SOSTDC1: variants seen among roughly 807,000 people sequenced by gnomAD.
SOSTDC1 encodes sclerostin domain containing 1, also known as sclerostin domain-containing protein 1.
SOSTDC1 carries 7 observed loss-of-function variants against 15.1 expected under a neutral mutation model. The observed-to-expected ratio is 0.46, with a 90% CI of 0.26 to 0.87. SOSTDC1 has a LOEUF of 0.87. SOSTDC1 is among the 40% of genes least tolerant of loss of function. The pLI is 0.15. For synonymous variants in SOSTDC1, 94 were observed against 93.2 expected, an observed-to-expected ratio of 1.01 and a Z score of -0.05; for missense variants, 242 against 259.2, an observed-to-expected ratio of 0.93 and a Z score of 0.46.
intron 1 of SOSTDC1, 139 bp from the exon 2 acceptor site, chr7:16,463,102 C>T (rs764031111): frequency 9.7e-6 from 8 of 825,658 alleles, no homozygotes; most frequent in Non-Finnish European, 1.4e-5. Flanking sequence ...TTTATTTTCA[C>T]AGTGAAAAAA....
At chr7:16,465,416 T>C (rs554277133) in intron 1 of SOSTDC1, 48 bp downstream of exon 1, 1 of 1,473,880 alleles carries the variant, frequency 6.8e-7, no homozygotes, top group Non-Finnish European at 9.4e-7. Flanking sequence ...TGTGAGCTAA[T>C]GCTACCAGAA....
chr7:16,464,652 TTCTCTCTC>T (rs72323066), intron 1 of SOSTDC1, among the ~76,000 whole-genome samples: 1 of 150,222 alleles, frequency 6.7e-6, no homozygotes, highest in Non-Finnish European at 1.5e-5. Flanking sequence ...TGCGCAGTGT[TTCTCTCTC>T]TCTCTCTCTC....
chr7:16,463,855 C>T (rs1325092689), intron 1 of SOSTDC1, among the ~76,000 whole-genome samples: 1 of 152,136 alleles, frequency 6.6e-6, no homozygotes, highest in Non-Finnish European at 1.5e-5. Context: ...CTCTAATTGG[C>T]TGTTTCTTGT....
chr7:16,462,789 C>T lies in SOSTDC1; in HGVS notation c.380G>A (p.Ser127Asn), dbSNP rs1781233602. The change falls in exon 2 of 2, where the codon AGC (serine) becomes AAC (asparagine). Residue 127 changes from serine to asparagine, a missense_variant. Transcript: ENST00000307068. ...ATTGACACACCGCCACTCCTGGGAG[C>T]TCCTCCTGCTCCAGTACTTTGTTCC... Reference protein sequence around the residue: ...GYGTKYWSRRSSQEWRCVNDK... With the variant: ...GYGTKYWSRRNSQEWRCVNDK... 6.2e-7 allele frequency: 1 copy of T among 1,614,212 alleles called. No homozygotes were observed. The highest frequency in any genetic ancestry group is 2.2e-5 in the East Asian group (1 of 44,880).
At chr7:16,464,751 C>A (rs556070147) in intron 1 of SOSTDC1, among the ~76,000 whole-genome samples, 1 of 152,094 alleles carries the variant, frequency 6.6e-6, no homozygotes, top group East Asian at 1.9e-4. Flanking sequence ...TTTGAATCCC[C>A]CTAACCAGTG....
chr7:16,464,426 T>TCATAAA, intron 1 of SOSTDC1: 11 of 1,418,830 alleles, frequency 7.8e-6, no homozygotes, highest in Non-Finnish European at 9.7e-6. Flanking sequence ...CAGTGACAGT[T>TCATAAA]CATTGACAAC....
chr7:16,464,409 A>G (rs2128327424), intron 1 of SOSTDC1: 1 of 1,522,650 alleles, frequency 6.6e-7, no homozygotes, highest in Non-Finnish European at 8.9e-7. Context: ...CAGATTTGGC[A>G]TTTTTGCAGT....
Position 16,465,490 on chromosome 7 carries a change from A to C in SOSTDC1, c.179T>G (p.Phe60Cys), listed in dbSNP as rs753919706. Residue 60 changes from phenylalanine to cysteine, a missense_variant, in exon 1 of 2, where the codon TTC becomes TGC. By Grantham distance (205) the Phe-to-Cys change is radical. Transcript: ENST00000307068. ...LNQARNGGRHFSNTGLDRNTR... is the reference protein window; with the variant it reads ...LNQARNGGRHCSNTGLDRNTR... The stretch of plus-strand genomic sequence containing the variant: ...GTTCCGATCCAGTCCAGTGTTACTG[A>C]AATGCCTGCCTCCATTTCTGGCTTG... 1.9e-6 allele frequency: 3 copies of C among 1,614,076 alleles called. No individual in the cohort carries two copies. The Admixed American group carries it at 5.0e-5, about 27-fold the overall frequency.
Position 16,461,582 on chromosome 7 carries a change from T to C in SOSTDC1, c.*966A>G, listed in dbSNP as rs1781211545. On this transcript the variant is annotated 3_prime_UTR_variant, in exon 2 of 2. Coordinates refer to ENST00000307068, the MANE Select transcript of SOSTDC1 (RefSeq NM_015464.3). ...GTTTATTTTTGTTAAAAGAAACCAA[T>C]TGAATTGAAGGTCAAGACACCTTCT... The C allele has an allele frequency of 1.3e-5, 2 of 152,224 alleles. No individual in the cohort carries two copies. Among genetic ancestry groups the C allele is most frequent in the Admixed American group, 1.3e-4 (2 of 15,274 alleles). 9.4% of individuals were successfully genotyped at this position (152,224 alleles called of 1,614,324 possible).
In SOSTDC1 at chr7:16,465,538, G is replaced by C. The variant is rs749168944; in HGVS notation, c.131C>G (p.Pro44Arg). The C allele has an allele frequency of 2.5e-6, 4 of 1,614,158 alleles. No homozygotes were observed. Among genetic ancestry groups the C allele is most frequent in the Non-Finnish European group, 3.4e-6 (4 of 1,180,008 alleles). The change falls in exon 1 of 2, where the codon CCC becomes CGC. Residue 44 changes from proline to arginine, a missense_variant. Coordinates refer to ENST00000307068, the MANE Select transcript of SOSTDC1 (RefSeq NM_015464.3). ...TTGATTCAACGTGCTGTTGCTGCTG[G>C]GGTGTGCTGGAACAGGTTTAACCAC... ...SHVVKPVPAH[P>R]SSNSTLNQAR...
Position 16,461,987 on chromosome 7 carries a change from A to G in SOSTDC1, c.*561T>C, listed in dbSNP as rs1781217898. 2 of 153,056 alleles carry G rather than the reference A, an allele frequency of 1.3e-5. No homozygotes were observed. Among genetic ancestry groups the G allele is most frequent in the African/African-American group, 4.8e-5 (2 of 41,456 alleles). The allele number at this position is 153,056 out of a possible 1,614,324, so 9.5% of individuals were successfully genotyped here. A position where few individuals can be genotyped will look rare whatever the true frequency, so the allele number is the denominator to read the frequency against. On this transcript the variant is annotated 3_prime_UTR_variant, in exon 2 of 2. Coordinates refer to ENST00000307068, the MANE Select transcript of SOSTDC1 (RefSeq NM_015464.3). ...AGCATGCAGGGTATAATTTCATACTATGCGACCGTAAAGAGCTACAGGGCT... is the reference window on the plus strand; with the variant it reads ...AGCATGCAGGGTATAATTTCATACTGTGCGACCGTAAAGAGCTACAGGGCT...
chr7:16,462,227 T>C lies in SOSTDC1; in HGVS notation c.*321A>G. 9.0e-6 allele frequency: 2 copies of C among 222,344 alleles called. No homozygotes were observed. Among genetic ancestry groups the C allele is most frequent in the Non-Finnish European group, 8.9e-6 (1 of 111,968 alleles). 13.8% of individuals were successfully genotyped at this position (222,344 alleles called of 1,614,324 possible). A position where few individuals can be genotyped will look rare whatever the true frequency, so the allele number is the denominator to read the frequency against. On this transcript the variant is annotated 3_prime_UTR_variant, in exon 2 of 2. Transcript: ENST00000307068. ...TAGATGGAGGGTATCTGAGAAGCCCTTTTCTGTTTTAAAATATAATGATTC... is the reference window on the plus strand; with the variant it reads ...TAGATGGAGGGTATCTGAGAAGCCCCTTTCTGTTTTAAAATATAATGATTC...
chr7:16,464,919 T>G (rs1252527608), intron 1 of SOSTDC1, among the ~76,000 whole-genome samples: 2 of 152,210 alleles, frequency 1.3e-5, no homozygotes, highest in Non-Finnish European at 2.9e-5. Context: ...AGTTTATCCC[T>G]CTTTTACATT....
intron 1 of SOSTDC1, among the ~76,000 whole-genome samples, chr7:16,464,652 TTCTC>T (rs72323066): frequency 7.3e-5 from 11 of 150,244 alleles, no homozygotes; most frequent in Admixed American, 1.3e-4. Flanking sequence ...TGCGCAGTGT[TTCTC>T]TCTCTCTCTC....
At chr7:16,463,849 A>C (rs1781252612) in intron 1 of SOSTDC1, among the ~76,000 whole-genome samples, 1 of 152,202 alleles carries the variant, frequency 6.6e-6, no homozygotes, top group South Asian at 2.1e-4. Flanking sequence ...TATGTTCTCT[A>C]ATTGGCTGTT....
chr7:16,465,161 T>C (rs919719871), intron 1 of SOSTDC1, among the ~76,000 whole-genome samples: 10 of 152,350 alleles, frequency 6.6e-5, no homozygotes, highest in African/African-American at 1.7e-4. Context: ...CAATACTTTT[T>C]AAAATGGTCA....
chr7:16,462,739 G>A lies in SOSTDC1; in HGVS notation c.430C>T (p.Gln144Ter). 1 of 1,614,140 alleles carries A rather than the reference G, an allele frequency of 6.2e-7. No individual in the cohort carries two copies. The highest frequency in any genetic ancestry group is 8.5e-7 in the Non-Finnish European group (1 of 1,180,022). The stretch of plus-strand genomic sequence containing the variant: ...GTGCTGCCATCTTGGCACTGCAGCT[G>A]GATTCTCTGGGTACGGGTTTTGTCA... ...VNDKTRTQRI[Q>*]LQCQDGSTRT... Residue 144 changes from glutamine (Q) to a stop codon, truncating the protein, a stop_gained, in exon 2 of 2, where the codon CAG becomes TAG. Transcript: ENST00000307068. LOFTEE classifies it high-confidence loss of function.
chr7:16,462,707 G>GC lies in SOSTDC1; in HGVS notation c.461_462insG (p.Tyr155LeufsTer26). 6.2e-7 allele frequency: 1 copy of GC among 1,614,168 alleles called. No individual in the cohort carries two copies. Among genetic ancestry groups the GC allele is most frequent in the Non-Finnish European group, 8.5e-7 (1 of 1,180,038 alleles). On this transcript the variant is annotated frameshift_variant, in exon 2 of 2. Coordinates refer to ENST00000307068, the MANE Select transcript of SOSTDC1 (RefSeq NM_015464.3). LOFTEE classifies it high-confidence loss of function. ...AGGCAGTGACTACTGTGATTTTGTA[G>GC]GTGCGTGTGCTGCCATCTTGGCACT...
At chr7:16,464,881 T>C (rs12699802) in intron 1 of SOSTDC1, among the ~76,000 whole-genome samples, 76,670 of 152,032 alleles carry the variant, frequency 0.5, 20,844 homozygotes, top group Non-Finnish European at 0.62. Flanking sequence ...GGAATTATTT[T>C]AGAAAAATGT....
Sources: allele counts gnomAD v4.1 joint callset (sites outside exome capture counted in the v4.1 genomes callset), GRCh38; gene constraint gnomAD v4.1.1; transcripts MANE v1.5; gene names NCBI Gene and HGNC (gene_info 2026-07-23, HGNC 2026-07-21).